The following CAND2 variants were observed in gnomAD, a reference collection of about 807,000 sequenced individuals.
CAND2 encodes the protein cullin associated and neddylation dissociated 2 (putative).
Under a neutral mutation model 98.9 loss-of-function variants are expected in CAND2, and 62 were observed. The ratio of observed to expected loss-of-function variants is 0.63; its 90% CI spans 0.51 to 0.77. The LOEUF (loss-of-function observed/expected upper bound fraction) is 0.77. Among genes scored for constraint, CAND2 ranks in the 30% least tolerant of loss-of-function variants. The pLI is 0.00. For missense variants in CAND2, 1,501 were observed against 1,655.2 expected, an observed-to-expected ratio of 0.91 and a Z score of 1.62; for synonymous variants, 770 against 731.9, an observed-to-expected ratio of 1.05 and a Z score of -0.84.
At chr3:12,830,659 C>T (rs1300675734) in intron 13 of CAND2, among the ~76,000 whole-genome samples, 1 of 152,214 alleles carries the variant, frequency 6.6e-6, no homozygotes, top group African/African-American at 2.4e-5. Context: ...GCTATAGAGC[C>T]CACAGCTTTG....
Position 12,815,767 on chromosome 3 carries a change from A to T in CAND2, c.1300-100A>T. On this transcript the variant is annotated intron_variant, in intron 8 of 14. Transcript: ENST00000456430. This position sits in a 1 kb window ranked among gnomAD's most constrained non-coding sequence, Gnocchi z 5.7. ...GCTTGGGAGATATCTTGATGCCGAC[A>T]TCCTCCCTGGGGATGTGTCTGGCAA... The T allele has an allele frequency of 8.5e-7, 1 of 1,172,350 alleles. No homozygotes were observed. Among genetic ancestry groups the T allele is most frequent in the Non-Finnish European group, 1.2e-6 (1 of 815,092 alleles). 72.6% of individuals were successfully genotyped at this position (1,172,350 alleles called of 1,614,324 possible).
At chr3:12,821,122 T>C (rs1240625751) in intron 11 of CAND2, among the ~76,000 whole-genome samples, 2 of 151,982 alleles carry the variant, frequency 1.3e-5, no homozygotes, top group Non-Finnish European at 2.9e-5. Context: ...TAATCCCAGC[T>C]ACTCTGGAGG....
chr3:12,819,216 G>A lies in CAND2; in HGVS notation c.2945-870G>A, dbSNP rs188112474. Among the ~76,000 whole-genome samples the A allele has an allele frequency of 2.6e-5, 4 of 152,330 alleles. No individual in the cohort carries two copies. The East Asian group carries it at 7.7e-4, about 29-fold the overall frequency. ...AATCTTCCTGGGAGCCAGTCAGGCT[G>A]GCAAGGGAAAGAGGTAAAAGCTGAA... On this transcript the variant is annotated intron_variant, in intron 10 of 14. Transcript: ENST00000456430.
rs369598542 is a variant in CAND2 at position 12,820,179 on chromosome 3, T to G, written c.3038T>G (p.Ile1013Ser). The G allele has an allele frequency of 6.8e-6, 11 of 1,612,464 alleles. No individual in the cohort carries two copies. The African/African-American group carries it at 1.5e-4, about 22-fold the overall frequency. ...ATTGACCCCCTCCTGAAGAGCTTCA[T>G]CGGTGAGCACCTACCTCTTGCCCCT... ...HPIDPLLKSFIGEFMESLQDP... is the reference protein window; with the variant it reads ...HPIDPLLKSFSGEFMESLQDP... The change falls in exon 11 of 15, where the codon ATC becomes AGC. Residue 1013 changes from isoleucine to serine, a missense_variant and splice_region_variant. By Grantham distance (142) the Ile-to-Ser change is moderately radical (BLOSUM62 -2). Coordinates refer to ENST00000456430, the MANE Select transcript of CAND2 (RefSeq NM_001162499.2).
chr3:12,825,758 G>A, intron 12 of CAND2, 119 bp downstream of exon 12: 1 of 1,081,280 alleles, frequency 9.2e-7, no homozygotes, highest in Admixed American at 2.4e-5. Flanking sequence ...CCTGGGTCAA[G>A]TCCTGCCCTG....
intron 10 of CAND2, 33 bp from the exon 11 acceptor site, chr3:12,820,053 C>T: frequency 6.4e-7 from 1 of 1,574,640 alleles, no homozygotes; most frequent in Non-Finnish European, 8.7e-7. Flanking sequence ...TTGGCCCCTG[C>T]CCCTCACTAA....
intron 1 of CAND2, among the ~76,000 whole-genome samples, chr3:12,802,182 C>T (rs1388541057): frequency 1.3e-5 from 2 of 152,206 alleles, no homozygotes; most frequent in African/African-American, 4.8e-5. Flanking sequence ...AAAAAATTAG[C>T]CGGGCGTGGT....
chr3:12,831,904 G>C (rs748565696), intron 14 of CAND2, among the ~76,000 whole-genome samples: 1 of 152,168 alleles, frequency 6.6e-6, no homozygotes, highest in Non-Finnish European at 1.5e-5. Context: ...CATTGAGCCT[G>C]ATAGGTTCCC....
At chr3:12,818,104 G>A (rs2061924525) in intron 10 of CAND2, among the ~76,000 whole-genome samples, 3 of 152,158 alleles carry the variant, frequency 2.0e-5, no homozygotes, top group Admixed American at 2.0e-4. Flanking sequence ...TCCTTGATTG[G>A]TCCCTACAAC....
intron 14 of CAND2, 38 bp downstream of exon 14, chr3:12,831,610 C>A: frequency 1.4e-6 from 2 of 1,463,348 alleles, no homozygotes; most frequent in African/African-American, 1.4e-5. Context: ...GGCCCTGGAG[C>A]ACCTATGGAG....
At chr3:12,819,326 G>T (rs1457946261) in intron 10 of CAND2, among the ~76,000 whole-genome samples, 1 of 152,240 alleles carries the variant, frequency 6.6e-6, no homozygotes, top group African/African-American at 2.4e-5. Flanking sequence ...TAAAGCCTGT[G>T]GGGTGGAAAC....
intron 1 of CAND2, among the ~76,000 whole-genome samples, chr3:12,798,165 G>A (rs1358466882): frequency 6.6e-6 from 1 of 152,158 alleles, no homozygotes; most frequent in Non-Finnish European, 1.5e-5. Context: ...GCAGGCACTA[G>A]GTCGGTGCTT....
At chr3:12,805,027 T>C (rs533787328) in intron 2 of CAND2, among the ~76,000 whole-genome samples, 2 of 152,262 alleles carry the variant, frequency 1.3e-5, no homozygotes, top group Admixed American at 6.5e-5. Context: ...GAAATGAAAT[T>C]CATACATTAT....
chr3:12,812,989 G>A lies in CAND2; in HGVS notation c.758-1G>A. The A allele has an allele frequency of 2.6e-6, 4 of 1,564,858 alleles. No homozygotes were observed. Among genetic ancestry groups the A allele is most frequent in the Non-Finnish European group, 2.6e-6 (3 of 1,154,296 alleles). On this transcript the variant is annotated splice_acceptor_variant, in intron 5 of 14. Transcript: ENST00000456430. LOFTEE classifies it high-confidence loss of function. ...GTTCAGTGATCCACCTGGCCCTGCA[G>A]GGGCTCACCTGGACCGCCTGGTGCC...
Position 12,796,808 on chromosome 3 carries a change from C to A in CAND2, c.68+20C>A. 4 of 1,562,400 alleles carry A rather than the reference C, an allele frequency of 2.6e-6. No individual in the cohort carries two copies. Among genetic ancestry groups the A allele is most frequent in the Non-Finnish European group, 3.5e-6 (4 of 1,150,934 alleles). ...CTTCAGGTGCAGCCCGCCGCCGGCC[C>A]CCTTCTCTCCTTCCCGCTCTGAAGC... On this transcript the variant is annotated intron_variant, in intron 1 of 14. Coordinates refer to ENST00000456430, the MANE Select transcript of CAND2 (RefSeq NM_001162499.2).
Position 12,834,191 on chromosome 3 carries a change from G to GC in CAND2, c.*213dup. 1 of 589,090 alleles carries GC rather than the reference G, an allele frequency of 1.7e-6. No individual in the cohort carries two copies. 36.5% of individuals were successfully genotyped at this position (589,090 alleles called of 1,614,324 possible). On this transcript the variant is annotated 3_prime_UTR_variant, in exon 15 of 15. Coordinates refer to ENST00000456430, the MANE Select transcript of CAND2 (RefSeq NM_001162499.2). ...AAGCTGTGAGGCTGCCAACAGTTGG[G>GC]CCCCTTCCTTAACTCAGGACAGTCA...
intron 1 of CAND2, among the ~76,000 whole-genome samples, chr3:12,797,173 C>A (rs2061732239): frequency 1.5e-5 from 2 of 135,764 alleles, no homozygotes; most frequent in Non-Finnish European, 3.2e-5. Context: ...GCGCCCCCTC[C>A]CCCCCGCCCC....
At chr3:12,816,100 G>A in intron 9 of CAND2, 92 bp downstream of exon 9, 1 of 1,311,796 alleles carries the variant, frequency 7.6e-7, no homozygotes, top group South Asian at 1.4e-5. Flanking sequence ...TCCTGAGACA[G>A]TCTGAGACCC....
intron 1 of CAND2, among the ~76,000 whole-genome samples, chr3:12,798,367 T>G (rs146089385): frequency 5.3e-5 from 8 of 152,208 alleles, no homozygotes; most frequent in Non-Finnish European, 7.4e-5. Flanking sequence ...CCCTCATGTT[T>G]CTGCTAGATC....
Sources: gnomAD v4.1 joint callset for allele counts (sites outside exome capture counted in the v4.1 genomes callset) on GRCh38, gnomAD v4.1.1 for gene constraint, Gnocchi (gnomAD v3.1) non-coding constraint, MANE v1.5 for transcripts, NCBI Gene and HGNC (gene_info 2026-07-23, HGNC 2026-07-21) for gene names.